NBAS: variants seen among roughly 807,000 people sequenced by gnomAD.
NBAS encodes NBAS subunit of NRZ tethering complex.
Under a neutral mutation model 302.5 loss-of-function variants are expected in NBAS, and 219 were observed. The observed-to-expected ratio is 0.72, with a 90% CI of 0.65 to 0.81. NBAS has a LOEUF of 0.81. NBAS is among the 30% of genes least tolerant of loss of function. The pLI is 0.00. For missense variants in NBAS, 2,932 were observed against 2,841.6 expected (o/e 1.03, Z -0.72); for synonymous variants, 1,118 against 1,021.6 (o/e 1.09, Z -1.80).
Position 15,561,296 on chromosome 2 carries a change from G to A in NBAS, c.9C>T (p.Ala3=), listed in dbSNP as rs2148724462. ...GACTCAAAGCCGGCCCTGACTCGGG[G>A]GCCGCCATGTTCGCCGAGGACTCAG... is the stretch of plus-strand genomic sequence containing the variant. The part of the protein sequence containing the change: MA[A]PESGPALSPG... Residue 3 remains alanine (A), a synonymous_variant, in exon 1 of 52, where the codon GCC becomes GCT. Coordinates refer to ENST00000281513, the MANE Select transcript of NBAS (RefSeq NM_015909.4). The A allele has an allele frequency of 3.7e-6, 6 of 1,613,130 alleles. No individual in the cohort carries two copies. The highest frequency in any genetic ancestry group is 4.2e-6 in the Non-Finnish European group (5 of 1,180,022).
chr2:15,394,886 C>T (rs933416091), intron 27 of NBAS, among the ~76,000 whole-genome samples: 1 of 152,066 alleles, frequency 6.6e-6, no homozygotes, highest in Non-Finnish European at 1.5e-5. Context: ...ATTCCATAAT[C>T]ATCAACATCA....
Position 15,353,480 on chromosome 2 carries a change from A to G in NBAS, c.4089+73T>C, listed in dbSNP as rs937239102. 4.5e-6 allele frequency: 7 copies of G among 1,566,360 alleles called. No individual in the cohort carries two copies. The South Asian group carries it at 7.8e-5, about 17-fold the overall frequency. The stretch of plus-strand genomic sequence containing the variant: ...TCTCATACTACTTTTTTAAGTGACC[A>G]CATACCTCAGATACACACACCCAAC... On this transcript the variant is annotated intron_variant, in intron 34 of 51. Transcript: ENST00000281513.
the NBAS span, among the ~76,000 whole-genome samples, chr2:15,043,619 C>G: frequency 6.6e-6 from 1 of 152,100 alleles, no homozygotes; most frequent in Non-Finnish European, 1.5e-5. Context: ...TAAGCCTGAG[C>G]CTTTGCCTTC....
chr2:15,034,234 AG>A, the NBAS span, among the ~76,000 whole-genome samples: 1 of 62,076 alleles, frequency 1.6e-5, no homozygotes, highest in Admixed American at 1.7e-4. Flanking sequence ...GAAAGAAAGA[AG>A]GAAAGAAAGA....
intron 31 of NBAS, among the ~76,000 whole-genome samples, chr2:15,373,941 T>C (rs2148357883): frequency 6.6e-6 from 1 of 152,296 alleles, no homozygotes; most frequent in South Asian, 2.1e-4. Flanking sequence ...ACAGAAAATC[T>C]ACCTTCCTCA....
intron 44 of NBAS, among the ~76,000 whole-genome samples, chr2:15,247,730 C>A (rs1668167389): frequency 6.7e-6 from 1 of 150,214 alleles, no homozygotes; most frequent in Non-Finnish European, 1.5e-5. Flanking sequence ...ATACCTCTAT[C>A]TATAGATCTA....
chr2:14,903,721 G>A, the NBAS span, among the ~76,000 whole-genome samples: 1 of 152,230 alleles, frequency 6.6e-6, no homozygotes, highest in Non-Finnish European at 1.5e-5. Flanking sequence ...GCAGAATAAT[G>A]ATCAAAATCA....
the NBAS span, among the ~76,000 whole-genome samples, chr2:14,877,494 A>C: frequency 2.2e-4 from 34 of 152,288 alleles, no homozygotes; most frequent in Non-Finnish European, 4.7e-4. Flanking sequence ...AGCAAAGTGG[A>C]GGTATATTCT....
the NBAS span, among the ~76,000 whole-genome samples, chr2:14,873,307 C>T: frequency 3.3e-5 from 5 of 152,280 alleles, no homozygotes; most frequent in Middle Eastern, 3.4e-3. Flanking sequence ...AGTCCCCACC[C>T]GATCCAGAAG....
chr2:14,819,837 CA>C, the NBAS span, among the ~76,000 whole-genome samples: 25 of 152,076 alleles, frequency 1.6e-4, no homozygotes, highest in Non-Finnish European at 1.9e-4. Flanking sequence ...ATAATCCAAT[CA>C]AAAAAATGGG....
At chr2:15,535,557 A>C (rs891918780) in intron 8 of NBAS, among the ~76,000 whole-genome samples, 6 of 151,180 alleles carry the variant, frequency 4.0e-5, no homozygotes, top group Admixed American at 3.3e-4. Flanking sequence ...TAAATAAATA[A>C]ATAAATAAAA....
chr2:15,168,750 C>T (rs991563274), intron 51 of NBAS, among the ~76,000 whole-genome samples: 1 of 152,248 alleles, frequency 6.6e-6, no homozygotes, highest in Non-Finnish European at 1.5e-5. Flanking sequence ...CTGCCTCATC[C>T]TCCCAAGTAA....
chr2:14,830,111 T>C, the NBAS span, among the ~76,000 whole-genome samples: 1 of 152,112 alleles, frequency 6.6e-6, no homozygotes, highest in Non-Finnish European at 1.5e-5. Flanking sequence ...CAGCTTTGCC[T>C]TCAGGCTGTG....
intron 35 of NBAS, among the ~76,000 whole-genome samples, chr2:15,347,989 C>T (rs1673172916): frequency 6.6e-6 from 1 of 152,158 alleles, no homozygotes; most frequent in Admixed American, 6.6e-5. Flanking sequence ...ATTATTTTCA[C>T]AAGTGAAGTA....
the NBAS span, among the ~76,000 whole-genome samples, chr2:14,887,788 A>G: frequency 6.6e-6 from 1 of 152,232 alleles, no homozygotes; most frequent in African/African-American, 2.4e-5. Context: ...ATAAATATCA[A>G]AAACCAAACT....
intron 16 of NBAS, among the ~76,000 whole-genome samples, chr2:15,469,097 A>G (rs1679846914): frequency 6.6e-6 from 1 of 152,084 alleles, no homozygotes. Flanking sequence ...AAAATCTCTG[A>G]CTTTATTAGT....
At chr2:15,256,246 T>C (rs1668586658) in intron 44 of NBAS, among the ~76,000 whole-genome samples, 1 of 152,198 alleles carries the variant, frequency 6.6e-6, no homozygotes, top group Admixed American at 6.5e-5. Context: ...TGTGTTGTAG[T>C]TTTCCAAGTA....
At chr2:15,246,549 A>G (rs1041122464) in intron 44 of NBAS, among the ~76,000 whole-genome samples, 4 of 152,236 alleles carry the variant, frequency 2.6e-5, no homozygotes, top group Non-Finnish European at 5.9e-5. Flanking sequence ...GTTGTGGTTC[A>G]GAATGCTCCA....
intron 48 of NBAS, among the ~76,000 whole-genome samples, chr2:15,192,312 T>C (rs1320129452): frequency 2.0e-5 from 3 of 151,832 alleles, no homozygotes; most frequent in African/African-American, 7.3e-5. Context: ...GCACAGTAAG[T>C]ACTTATTGAG....
Sources: allele counts gnomAD v4.1 joint callset (sites outside exome capture counted in the v4.1 genomes callset), GRCh38; gene constraint gnomAD v4.1.1; transcripts MANE v1.5; gene names NCBI Gene and HGNC (gene_info 2026-07-23, HGNC 2026-07-21).